SH3KBP1: variants seen among roughly 807,000 people sequenced by gnomAD.
SH3KBP1 encodes the protein SH3 domain-containing kinase-binding protein 1.
In SH3KBP1, 8 loss-of-function variants were observed where a neutral mutation model predicts 50.1. That is an observed-to-expected ratio of 0.16 (90% CI 0.09 to 0.29). The LOEUF is 0.29. SH3KBP1 is among the 10% of genes least tolerant of loss of function. SH3KBP1 has a pLI of 1.00. For missense variants in SH3KBP1, 377 were observed against 535.2 expected, an observed-to-expected ratio of 0.70 and a Z score of 2.92; for synonymous variants, 227 against 218.6, an observed-to-expected ratio of 1.04 and a Z score of -0.34.
At chrX:19,762,776 G>A in intron 2 of SH3KBP1, among the ~76,000 whole-genome samples, 1 of 111,846 alleles carries the variant, frequency 8.9e-6, no homozygotes. Context: ...TACCACAGAT[G>A]AAGGCACAAC....
chrX:19,696,436 A>G (rs985653730), intron 4 of SH3KBP1, among the ~76,000 whole-genome samples: 1 of 112,026 alleles, frequency 8.9e-6, no homozygotes, highest in African/African-American at 3.2e-5. Flanking sequence ...AAAGTGTAAG[A>G]GCTTCCTGTA....
chrX:19,715,255 CAG>C (rs1316554340), intron 3 of SH3KBP1, among the ~76,000 whole-genome samples: 5 of 91,295 alleles, frequency 5.5e-5, no homozygotes, highest in African/African-American at 2.2e-4. Flanking sequence ...GCCTGGGCGA[CAG>C]AGTGAGACCT....
chrX:19,826,408 C>T (rs1603266809), intron 2 of SH3KBP1, among the ~76,000 whole-genome samples: 1 of 110,844 alleles, frequency 9.0e-6, no homozygotes, highest in Non-Finnish European at 1.9e-5. Flanking sequence ...GGACAGGGCA[C>T]GGTGGCTCCT....
At chrX:19,669,125 C>T (rs2062714214) in intron 6 of SH3KBP1, among the ~76,000 whole-genome samples, 1 of 98,403 alleles carries the variant, frequency 1.0e-5, no homozygotes, top group African/African-American at 3.6e-5. Flanking sequence ...GCCACCACAC[C>T]CAGCTAATTT....
intron 7 of SH3KBP1, 83 bp downstream of exon 7, chrX:19,645,317 A>G (rs1189685183): frequency 1.1e-5 from 8 of 727,635 alleles, no homozygotes; most frequent in East Asian, 3.2e-5. Context: ...TCAAGGTTAT[A>G]TAGGGATTTC....
chrX:19,604,667 C>G (rs1602633340), intron 9 of SH3KBP1, among the ~76,000 whole-genome samples: 1 of 111,603 alleles, frequency 9.0e-6, no homozygotes, highest in South Asian at 3.8e-4. Context: ...CATCTTCACA[C>G]CCTCAGCGCA....
rs749898278 is a variant in SH3KBP1 at position 19,536,468 on chromosome X, G to T, written c.1957-10C>A. 1 of 1,093,584 alleles carries T rather than the reference G, an allele frequency of 9.1e-7. No individual in the cohort carries two copies. The highest frequency in any genetic ancestry group is 1.2e-6 in the Non-Finnish European group (1 of 800,526). The allele number at this position is 1,093,584 out of a possible 1,213,427, so 90.1% of individuals were successfully genotyped here. A position where few individuals can be genotyped will look rare whatever the true frequency, so the allele number is the denominator to read the frequency against. On this transcript the variant is annotated splice_polypyrimidine_tract_variant and intron_variant, in intron 17 of 17. Coordinates refer to ENST00000397821, the MANE Select transcript of SH3KBP1 (RefSeq NM_031892.3). Reference sequence around the variant, plus strand: ...TGTCGTTCACTTCCATCTAGAAAGAGAAAAATAAGAATGGAACAAAGTCAT... The same window carrying T: ...TGTCGTTCACTTCCATCTAGAAAGATAAAAATAAGAATGGAACAAAGTCAT...
intron 1 of SH3KBP1, among the ~76,000 whole-genome samples, chrX:19,857,685 G>A (rs2068682377): frequency 9.0e-6 from 1 of 110,535 alleles, no homozygotes; most frequent in Non-Finnish European, 1.9e-5. Flanking sequence ...TTGTGTCACT[G>A]CATTCCAGCC....
At chrX:19,550,643 C>G (rs2065212254) in intron 13 of SH3KBP1, among the ~76,000 whole-genome samples, 1 of 111,232 alleles carries the variant, frequency 9.0e-6, no homozygotes, top group African/African-American at 3.3e-5. Context: ...ACATATCTCT[C>G]TCTGTCCAGA....
chrX:19,781,753 G>A (rs1419652309), intron 2 of SH3KBP1, among the ~76,000 whole-genome samples: 2 of 111,453 alleles, frequency 1.8e-5, no homozygotes, highest in Non-Finnish European at 3.8e-5. Context: ...TGTTATTGGG[G>A]TGATGAAAAT....
intron 9 of SH3KBP1, 49 bp downstream of exon 9, chrX:19,607,889 C>T: frequency 9.3e-7 from 1 of 1,072,789 alleles, no homozygotes. Context: ...ATCCCAAGTC[C>T]CAACATGGGA....
Position 19,695,597 on chromosome X carries a change from G to T in SH3KBP1, c.520+15C>A, listed in dbSNP as rs1021430070. 3.3e-6 allele frequency: 4 copies of T among 1,205,656 alleles called. No individual in the cohort carries two copies. In the African/African-American group the frequency reaches 7.1e-5, roughly 21 times the overall value. ...CCCCCGCCCCTCTCCTGCTTGGTAGGGTAGACTTCCTTACTTGACTTGGAT... is the reference window on the plus strand; with the variant it reads ...CCCCCGCCCCTCTCCTGCTTGGTAGTGTAGACTTCCTTACTTGACTTGGAT... On this transcript the variant is annotated intron_variant, in intron 5 of 17. Coordinates refer to ENST00000397821, the MANE Select transcript of SH3KBP1 (RefSeq NM_031892.3).
intron 3 of SH3KBP1, among the ~76,000 whole-genome samples, chrX:19,735,157 G>A (rs776308550): frequency 8.9e-6 from 1 of 111,748 alleles, no homozygotes; most frequent in African/African-American, 3.2e-5. Context: ...AGTGATGTTC[G>A]CGCTTTAACT....
intron 9 of SH3KBP1, among the ~76,000 whole-genome samples, chrX:19,595,949 A>T (rs2148023770): frequency 8.9e-6 from 1 of 112,181 alleles, no homozygotes; most frequent in African/African-American, 3.2e-5. Flanking sequence ...AAATAAAGAA[A>T]GCTGCTCTAA....
chrX:19,691,356 C>CTATATATA (rs1258274594), intron 5 of SH3KBP1, among the ~76,000 whole-genome samples: 2 of 73,552 alleles, frequency 2.7e-5, no homozygotes, highest in African/African-American at 5.4e-5. Flanking sequence ...CTCTCTCTCT[C>CTATATATA]TATATATATA....
intron 3 of SH3KBP1, among the ~76,000 whole-genome samples, chrX:19,717,438 C>T (rs1402697864): frequency 8.9e-6 from 1 of 112,016 alleles, no homozygotes; most frequent in Non-Finnish European, 1.9e-5. Context: ...CATGGTGGCA[C>T]ACACCTGCAG....
At chrX:19,700,236 T>A (rs1172387968) in intron 4 of SH3KBP1, among the ~76,000 whole-genome samples, 1 of 111,003 alleles carries the variant, frequency 9.0e-6, no homozygotes, top group Non-Finnish European at 1.9e-5. Context: ...TTTCCTCAAA[T>A]TTTTTTTTCA....
chrX:19,717,273 CTGTT>C (rs1378125454), intron 3 of SH3KBP1, among the ~76,000 whole-genome samples: 1 of 111,984 alleles, frequency 8.9e-6, no homozygotes, highest in Non-Finnish European at 1.9e-5. Context: ...AGCTCAGTGT[CTGTT>C]TGAGTAGACA....
rs1410029048 is a variant in SH3KBP1, at chrX:19,845,858, C to T, written c.5-9576G>A. ...CTCCTGGCATCAAGTAATCCACCCA[C>T]TTCAGCCTCCTAAAGTGCTGGAATT... On this transcript the variant is annotated intron_variant, in intron 1 of 17. Coordinates refer to ENST00000397821, the MANE Select transcript of SH3KBP1 (RefSeq NM_031892.3). Among the ~76,000 whole-genome samples the T allele has an allele frequency of 3.6e-5, 4 of 111,256 alleles. No homozygotes were observed. In the East Asian group the frequency reaches 1.2e-3, roughly 32 times the overall value.
Sources: allele counts gnomAD v4.1 joint callset (sites outside exome capture counted in the v4.1 genomes callset), GRCh38; gene constraint gnomAD v4.1.1; transcripts MANE v1.5; gene names NCBI Gene and HGNC (gene_info 2026-07-23, HGNC 2026-07-21).